Variants in CNTNAP2 observed in about 807,000 individuals in gnomAD.
CNTNAP2 encodes the protein contactin associated protein 2.
A neutral mutation model predicts 155.2 loss-of-function variants in CNTNAP2; 98 were observed. The ratio of observed to expected loss-of-function variants is 0.63; its 90% CI spans 0.54 to 0.75. CNTNAP2 has a LOEUF of 0.75. CNTNAP2 is among the 30% of genes least tolerant of loss of function. The pLI is 0.00. For missense variants in CNTNAP2, 1,727 were observed against 1,688.1 expected (o/e 1.02, Z -0.40); for synonymous variants, 651 against 631.2 (o/e 1.03, Z -0.47).
intron 14 of CNTNAP2, among the ~76,000 whole-genome samples, chr7:147,924,391 G>C (rs888263653): frequency 1.3e-5 from 2 of 151,984 alleles, no homozygotes; most frequent in Non-Finnish European, 2.9e-5. Flanking sequence ...CGCCTGCCTT[G>C]GCTTCCCAAA....
rs566932887 is a variant in CNTNAP2, at chr7:147,650,425, G to C, written c.2098+11119G>C. On this transcript the variant is annotated intron_variant, in intron 13 of 23. Transcript: ENST00000361727. The stretch of plus-strand genomic sequence containing the variant: ...GTCTGCTTACATGTGGATTTCTTCT[G>C]TCTCTACCACCTCTGAGACAGCAAG... Among the ~76,000 whole-genome samples the C allele has an allele frequency of 1.6e-3, 237 of 152,158 alleles. 2 individuals carry two copies. Among genetic ancestry groups the C allele is most frequent in the African/African-American group, 5.5e-3 (228 of 41,514 alleles).
At chr7:146,712,702 C>A (rs1801119118) in intron 1 of CNTNAP2, among the ~76,000 whole-genome samples, 1 of 151,434 alleles carries the variant, frequency 6.6e-6, no homozygotes, top group Admixed American at 6.6e-5. Flanking sequence ...AATAGTCTAA[C>A]ATCTGTAACA....
chr7:146,795,066 A>T (rs1802744801), intron 2 of CNTNAP2, among the ~76,000 whole-genome samples: 1 of 152,218 alleles, frequency 6.6e-6, no homozygotes, highest in African/African-American at 2.4e-5. Context: ...AATTTAAAGA[A>T]AAAACGCTAA....
rs201842575 is a variant in CNTNAP2, at chr7:146,662,567, GTTTA to G, written c.98-111700_98-111697del. Among the ~76,000 whole-genome samples the G allele has an allele frequency of 6.3e-3, 953 of 152,116 alleles. 9 individuals are homozygous for G. The highest frequency in any genetic ancestry group is 0.022 in the African/African-American group (912 of 41,496). On this transcript the variant is annotated intron_variant, in intron 1 of 23. Transcript: ENST00000361727. ...TTGCAAATATTTTCCCCACACTGTG[GTTTA>G]TTTTTTATATTTTAACAGGGTCTTT...
intron 1 of CNTNAP2, among the ~76,000 whole-genome samples, chr7:146,238,951 G>C (rs962515451): frequency 2.0e-5 from 3 of 152,122 alleles, no homozygotes; most frequent in African/African-American, 7.2e-5. Flanking sequence ...ACCTCCACCT[G>C]GTCTCTCCCT....
At chr7:146,406,167 TTCTC>T (rs1453204045) in intron 1 of CNTNAP2, among the ~76,000 whole-genome samples, 1 of 152,200 alleles carries the variant, frequency 6.6e-6, no homozygotes, top group Non-Finnish European at 1.5e-5. Context: ...TGCTTGAAAG[TTCTC>T]TCTCTGTCTT....
intron 8 of CNTNAP2, among the ~76,000 whole-genome samples, chr7:147,157,063 C>T (rs1437791918): frequency 2.6e-5 from 4 of 152,056 alleles, no homozygotes; most frequent in Admixed American, 6.6e-5. Context: ...TTTTGATGCC[C>T]TGACAGTAGC....
intron 8 of CNTNAP2, among the ~76,000 whole-genome samples, chr7:147,218,604 A>G (rs1184153264): frequency 6.6e-6 from 1 of 151,690 alleles, no homozygotes; most frequent in Non-Finnish European, 1.5e-5. Context: ...TCCGGACTAT[A>G]AAGTAATTTC....
intron 15 of CNTNAP2, among the ~76,000 whole-genome samples, chr7:148,112,201 A>C (rs1804368018): frequency 6.6e-6 from 1 of 152,240 alleles, no homozygotes; most frequent in African/African-American, 2.4e-5. Context: ...TGGCAGATAC[A>C]TAGAAAAATA....
intron 13 of CNTNAP2, among the ~76,000 whole-genome samples, chr7:147,854,040 T>C (rs1375201556): frequency 2.0e-5 from 3 of 152,128 alleles, no homozygotes; most frequent in Non-Finnish European, 2.9e-5. Context: ...AAGTTAACAG[T>C]GGTTTAGATC....
chr7:147,605,400 C>G lies in CNTNAP2; in HGVS notation c.1898-33706C>G, dbSNP rs574195227. 1.6e-3 allele frequency among the ~76,000 whole-genome samples: 244 copies of G among 152,194 alleles called. 2 individuals are homozygous for G. Among genetic ancestry groups the G allele is most frequent in the African/African-American group, 5.8e-3 (241 of 41,524 alleles). ...GAAGCTTATATAACATCCTGAGCTA[C>G]AGAAAGGAATAGGGGCCTGAGGCTT... On this transcript the variant is annotated intron_variant, in intron 12 of 23. Transcript: ENST00000361727.
At position 146,232,878 on chromosome 7, in the gene CNTNAP2, A is replaced by T. The variant is rs191674207; in HGVS notation, c.97+115905A>T. ...AATGTCAAAGACATTGGGGGATACA[A>T]GAGTGAATATGGAAAGCAATGTCTT... is the stretch of plus-strand genomic sequence containing the variant. On this transcript the variant is annotated intron_variant, in intron 1 of 23. Coordinates refer to ENST00000361727, the MANE Select transcript of CNTNAP2 (RefSeq NM_014141.6). Among the ~76,000 whole-genome samples, 22 of 152,270 alleles carry T rather than the reference A, an allele frequency of 1.4e-4. No individual in the cohort carries two copies. In the East Asian group the frequency reaches 4.1e-3, roughly 28 times the overall value.
intron 1 of CNTNAP2, among the ~76,000 whole-genome samples, chr7:146,638,564 A>AAG (rs1799648007): frequency 7.3e-6 from 1 of 137,784 alleles, no homozygotes; most frequent in Non-Finnish European, 1.5e-5. Flanking sequence ...GGCTCACTGC[A>AAG]AGTTCCTCCT....
chr7:146,730,008 G>C (rs1034208906), intron 1 of CNTNAP2, among the ~76,000 whole-genome samples: 12 of 152,090 alleles, frequency 7.9e-5, no homozygotes, highest in African/African-American at 2.9e-4. Context: ...CTCTGCTCCT[G>C]CTTCATACAC....
chr7:147,321,123 C>G (rs1041365987), intron 9 of CNTNAP2, among the ~76,000 whole-genome samples: 1 of 152,186 alleles, frequency 6.6e-6, no homozygotes, highest in African/African-American at 2.4e-5. Flanking sequence ...TCTGCCAATT[C>G]CCAGTGGAGG....
chr7:148,401,561 C>G (rs150355240), intron 22 of CNTNAP2, among the ~76,000 whole-genome samples: 5 of 152,158 alleles, frequency 3.3e-5, no homozygotes, highest in African/African-American at 1.2e-4. Flanking sequence ...TTATGAAATA[C>G]AAAATCTGAG....
At chr7:146,640,631 C>A (rs963245091) in intron 1 of CNTNAP2, among the ~76,000 whole-genome samples, 1 of 152,154 alleles carries the variant, frequency 6.6e-6, no homozygotes, top group African/African-American at 2.4e-5. Flanking sequence ...TATTGGGCTT[C>A]CTTTTTGGCG....
chr7:148,051,731 C>A (rs1339822092), intron 15 of CNTNAP2, among the ~76,000 whole-genome samples: 1 of 152,122 alleles, frequency 6.6e-6, no homozygotes, highest in South Asian at 2.1e-4. Flanking sequence ...TTCTATTTTA[C>A]GTTAGATGCT....
intron 16 of CNTNAP2, among the ~76,000 whole-genome samples, chr7:148,136,824 T>C (rs2972125): frequency 0.47 from 70,780 of 152,068 alleles, 18,292 homozygotes; most frequent in African/African-American, 0.69. Flanking sequence ...GTTTGAACAT[T>C]GTACAAACTA....
Sources: gnomAD v4.1 joint callset for allele counts (sites outside exome capture counted in the v4.1 genomes callset) on GRCh38, gnomAD v4.1.1 for gene constraint, MANE v1.5 for transcripts, NCBI Gene and HGNC (gene_info 2026-07-23, HGNC 2026-07-21) for gene names.